Variants in TLR4 observed in about 807,000 individuals in gnomAD.
TLR4 encodes toll like receptor 4.
In TLR4, 17 loss-of-function variants were observed where a neutral mutation model predicts 27.4. That is an observed-to-expected ratio of 0.62 (90% CI 0.42 to 0.93). The LOEUF is 0.93. TLR4 is among the 40% of genes least tolerant of loss of function. TLR4 has a pLI of 0.00. For missense variants in TLR4, 926 were observed against 962.3 expected (o/e 0.96, Z 0.50); for synonymous variants, 363 against 365.7 (o/e 0.99, Z 0.08).
rs189454382 is a variant in TLR4 at position 117,719,393 on chromosome 9, C to G, written c.*4745C>G. 1 of 152,154 alleles carries G rather than the reference C, an allele frequency of 6.6e-6. No individual in the cohort carries two copies. Among genetic ancestry groups the G allele is most frequent in the South Asian group, 2.1e-4 (1 of 4,828 alleles). The allele number at this position is 152,154 out of a possible 1,614,324, so 9.4% of individuals were successfully genotyped here. ...AGATTAGGATCTAAGTCCACTTCAC[C>G]GCAGAAGCAGGGCTTCTAAATACTG... On this transcript the variant is annotated 3_prime_UTR_variant, in exon 3 of 3. Coordinates refer to ENST00000355622, the MANE Select transcript of TLR4 (RefSeq NM_138554.5).
Position 117,718,650 on chromosome 9 carries a change from T to C in TLR4, c.*4002T>C, listed in dbSNP as rs1829387637. 1 of 152,180 alleles carries C rather than the reference T, an allele frequency of 6.6e-6. No homozygotes were observed. 9.4% of individuals were successfully genotyped at this position (152,180 alleles called of 1,614,324 possible). Reference sequence around the variant, plus strand: ...GGGCTCCATTTCTCTGAGAGTCTACTTAGCTCCAATGTAAAATAAGAATAG... The same window carrying C: ...GGGCTCCATTTCTCTGAGAGTCTACCTAGCTCCAATGTAAAATAAGAATAG... On this transcript the variant is annotated 3_prime_UTR_variant, in exon 3 of 3. Coordinates refer to ENST00000355622, the MANE Select transcript of TLR4 (RefSeq NM_138554.5).
chr9:117,710,941 C>G (rs1014712086), intron 2 of TLR4, among the ~76,000 whole-genome samples: 2 of 152,134 alleles, frequency 1.3e-5, no homozygotes, highest in African/African-American at 4.8e-5. Context: ...TATAGAGACA[C>G]AGCAAGACCC....
chr9:117,713,114 A>C lies in TLR4; in HGVS notation c.986A>C (p.Asn329Thr), dbSNP rs5030715. The C allele has an allele frequency of 5.6e-6, 9 of 1,612,066 alleles. 1 individual carries two copies. The highest frequency in any genetic ancestry group is 5.9e-6 in the Non-Finnish European group (7 of 1,178,792). The change falls in exon 3 of 3, where the codon AAT (asparagine) becomes ACT (threonine). Residue 329 changes from asparagine to threonine, a missense_variant. Transcript: ENST00000355622. ...GAAAGGGTAAAAGACTTTTCTTATA[A>C]TTTCGGATGGCAACATTTAGAATTA... ...TIERVKDFSY[N>T]FGWQHLELVN...
At chr9:117,709,680 G>A (rs1480222554) in intron 2 of TLR4, among the ~76,000 whole-genome samples, 6 of 152,050 alleles carry the variant, frequency 3.9e-5, no homozygotes, top group Non-Finnish European at 8.8e-5. Flanking sequence ...AGAAATTATT[G>A]ATAAAGACTA....
intron 2 of TLR4, among the ~76,000 whole-genome samples, chr9:117,709,551 C>T (rs1009771985): frequency 6.6e-6 from 1 of 151,946 alleles, no homozygotes; most frequent in African/African-American, 2.4e-5. Flanking sequence ...TTAGGGGAAC[C>T]AAATTCTAAA....
chr9:117,710,294 A>G (rs1344268043), intron 2 of TLR4, among the ~76,000 whole-genome samples: 2 of 151,624 alleles, frequency 1.3e-5, no homozygotes, highest in Admixed American at 6.6e-5. Context: ...TTTGGATCCT[A>G]CTTATAAAGT....
rs1462969834 is a variant in TLR4, at chr9:117,713,401, G to A, written c.1273G>A (p.Glu425Lys). 1.2e-6 allele frequency: 2 copies of A among 1,613,920 alleles called. No homozygotes were observed. Among genetic ancestry groups the A allele is most frequent in the African/African-American group, 1.3e-5 (1 of 74,924 alleles). Residue 425 changes from glutamate to lysine, a missense_variant, in exon 3 of 3, where the codon GAA becomes AAA. By Grantham distance (56) the Glu-to-Lys change is moderately conservative. Transcript: ENST00000355622. ...AAACTTCTTGGGCTTAGAACAACTA[G>A]AACATCTGGATTTCCAGCATTCCAA... is the stretch of plus-strand genomic sequence containing the variant. ...SSNFLGLEQL[E>K]HLDFQHSNLK...
Position 117,714,596 on chromosome 9 carries a change from C to G in TLR4, c.2468C>G (p.Pro823Arg). The change falls in exon 3 of 3, where the codon CCA becomes CGA. Residue 823 changes from proline (P) to arginine (R), a missense_variant. Coordinates refer to ENST00000355622, the MANE Select transcript of TLR4 (RefSeq NM_138554.5). Reference protein sequence around the residue: ...KALLDGKSWNPEGTVGTGCNW... With the variant: ...KALLDGKSWNREGTVGTGCNW... ...CTGCTGGATGGTAAATCATGGAATC[C>G]AGAAGGAACAGTGGGTACAGGATGC... 6.2e-7 allele frequency: 1 copy of G among 1,613,606 alleles called. No homozygotes were observed. The highest frequency in any genetic ancestry group is 8.5e-7 in the Non-Finnish European group (1 of 1,179,976).
chr9:117,714,132 T>G lies in TLR4; in HGVS notation c.2004T>G (p.Gly668=). The G allele has an allele frequency of 6.2e-7, 1 of 1,614,082 alleles. No individual in the cohort carries two copies. The highest frequency in any genetic ancestry group is 8.5e-7 in the Non-Finnish European group (1 of 1,180,006). The change falls in exon 3 of 3, where the codon GGT becomes GGG. Residue 668 remains glycine, a synonymous_variant. Transcript: ENST00000355622. The part of the protein sequence containing the change: ...LMLLAGCIKY[G]RGENIYDAFV... ...TTCTTGCTGGCTGCATAAAGTATGG[T>G]AGAGGTGAAAACATCTATGATGCCT...
At position 117,714,105 on chromosome 9, in the gene TLR4, G is replaced by T. The variant is rs776599254; in HGVS notation, c.1977G>T (p.Met659Ile). 3 of 1,614,088 alleles carry T rather than the reference G, an allele frequency of 1.9e-6. No individual in the cohort carries two copies. The South Asian group carries it at 3.3e-5, about 18-fold the overall frequency. Residue 659 changes from methionine to isoleucine, a missense_variant, in exon 3 of 3, where the codon ATG becomes ATT. By Grantham distance (10) the Met-to-Ile change is conservative. Transcript: ENST00000355622. ...TCTATAAGTTCTATTTTCACCTGAT[G>T]CTTCTTGCTGGCTGCATAAAGTATG... ...VLVYKFYFHL[M>I]LLAGCIKYGR...
rs1192251644 is a variant in TLR4, at chr9:117,721,750, AATT to A, written c.*7104_*7106del. ...GTTTTCGTGCACAGACAGATTTGGG[AATT>A]ACTGTTATAATGGAAAATGGAGAAT... On this transcript the variant is annotated 3_prime_UTR_variant, in exon 3 of 3. Coordinates refer to ENST00000355622, the MANE Select transcript of TLR4 (RefSeq NM_138554.5). 3 of 152,192 alleles carry A rather than the reference AATT, an allele frequency of 2.0e-5. No homozygotes were observed. Among genetic ancestry groups the A allele is most frequent in the Non-Finnish European group, 4.4e-5 (3 of 68,032 alleles). The allele number at this position is 152,192 out of a possible 1,614,324, so 9.4% of individuals were successfully genotyped here. A position where few individuals can be genotyped will look rare whatever the true frequency, so the allele number is the denominator to read the frequency against.
At position 117,716,357 on chromosome 9, in the gene TLR4, A is replaced by G. The variant is rs1264588807; in HGVS notation, c.*1709A>G. Reference sequence around the variant, plus strand: ...AAATGGACAAAGAAAATGTGCATATACGTACAATGGGATATTATTCAGCCT... The same window carrying G: ...AAATGGACAAAGAAAATGTGCATATGCGTACAATGGGATATTATTCAGCCT... On this transcript the variant is annotated 3_prime_UTR_variant, in exon 3 of 3. Coordinates refer to ENST00000355622, the MANE Select transcript of TLR4 (RefSeq NM_138554.5). The G allele has an allele frequency of 2.0e-5, 3 of 152,228 alleles. No individual in the cohort carries two copies. The highest frequency in any genetic ancestry group is 4.8e-5 in the African/African-American group (2 of 41,468). The allele number at this position is 152,228 out of a possible 1,614,324, so 9.4% of individuals were successfully genotyped here.
In TLR4 at chr9:117,712,672, C is replaced by T. The variant is rs373109368; in HGVS notation, c.544C>T (p.Leu182Phe). The change falls in exon 3 of 3, where the codon CTT becomes TTT. Residue 182 changes from leucine to phenylalanine, a missense_variant. By Grantham distance (22) the Leu-to-Phe change is conservative (BLOSUM62 0). Transcript: ENST00000355622. ...SNLTNLEHLDLSSNKIQSIYC... is the reference protein window; with the variant it reads ...SNLTNLEHLDFSSNKIQSIYC... ...TCTGACCAATCTAGAGCACTTGGAC[C>T]TTTCCAGCAACAAGATTCAAAGTAT... 5 of 1,613,972 alleles carry T rather than the reference C, an allele frequency of 3.1e-6. No individual in the cohort carries two copies. The highest frequency in any genetic ancestry group is 1.6e-4 in the Middle Eastern group (1 of 6,084).
Position 117,719,058 on chromosome 9 carries a change from C to A in TLR4, c.*4410C>A, listed in dbSNP as rs897961363. ...TGAAAACCAAAGTCTAAGCCAGTGT[C>A]TCCATTTACTTGTGTGATTGTGGGC... On this transcript the variant is annotated 3_prime_UTR_variant, in exon 3 of 3. Coordinates refer to ENST00000355622, the MANE Select transcript of TLR4 (RefSeq NM_138554.5). 6.6e-6 allele frequency: 1 copy of A among 152,034 alleles called. No homozygotes were observed. Among genetic ancestry groups the A allele is most frequent in the Non-Finnish European group, 1.5e-5 (1 of 68,032 alleles). The allele number at this position is 152,034 out of a possible 1,614,324, so 9.4% of individuals were successfully genotyped here.
Position 117,723,475 on chromosome 9 carries a change from T to C in TLR4, c.*8827T>C, listed in dbSNP as rs1829444698. 1 of 152,190 alleles carries C rather than the reference T, an allele frequency of 6.6e-6. No homozygotes were observed. Among genetic ancestry groups the C allele is most frequent in the Non-Finnish European group, 1.5e-5 (1 of 68,028 alleles). 9.4% of individuals were successfully genotyped at this position (152,190 alleles called of 1,614,324 possible). Reference sequence around the variant, plus strand: ...GATCTCTTTGCTCTTTGGTCTCTGTTTATCTATGAGATAACGTTATTTTTA... The same window carrying C: ...GATCTCTTTGCTCTTTGGTCTCTGTCTATCTATGAGATAACGTTATTTTTA... On this transcript the variant is annotated 3_prime_UTR_variant, in exon 3 of 3. Transcript: ENST00000355622.
chr9:117,714,401 A>T lies in TLR4; in HGVS notation c.2273A>T (p.Gln758Leu). Residue 758 changes from glutamine to leucine, a missense_variant, in exon 3 of 3, where the codon CAG becomes CTG. Gln to Leu is a moderately radical substitution (Grantham distance 113). Coordinates refer to ENST00000355622, the MANE Select transcript of TLR4 (RefSeq NM_138554.5). ...GAATATGAGATTGCTCAGACCTGGC[A>T]GTTTCTGAGCAGTCGTGCTGGTATC... ...IFEYEIAQTWQFLSSRAGIIF... is the reference protein window; with the variant it reads ...IFEYEIAQTWLFLSSRAGIIF... The T allele has an allele frequency of 1.2e-6, 2 of 1,611,206 alleles. No homozygotes were observed.
At position 117,714,336 on chromosome 9, in the gene TLR4, G is replaced by A; in HGVS notation, c.2208G>A (p.Val736=). 6.3e-7 allele frequency: 1 copy of A among 1,599,284 alleles called. No homozygotes were observed. The change falls in exon 3 of 3, where the codon GTG becomes GTA. Residue 736 remains valine, a synonymous_variant. Transcript: ENST00000355622. Reference sequence around the variant, plus strand: ...ATAAAAGCCGAAAGGTGATTGTTGTGGTGTCCCAGCACTTCATCCAGAGCC... The same window carrying A: ...ATAAAAGCCGAAAGGTGATTGTTGTAGTGTCCCAGCACTTCATCCAGAGCC... The part of the protein sequence containing the change: ...GFHKSRKVIV[V]VSQHFIQSRW...
chr9:117,719,927 T>C lies in TLR4; in HGVS notation c.*5279T>C, dbSNP rs1328910803. The C allele has an allele frequency of 6.6e-6, 1 of 152,198 alleles. No individual in the cohort carries two copies. The allele number at this position is 152,198 out of a possible 1,614,324, so 9.4% of individuals were successfully genotyped here. A position where few individuals can be genotyped will look rare whatever the true frequency, so the allele number is the denominator to read the frequency against. On this transcript the variant is annotated 3_prime_UTR_variant, in exon 3 of 3. Coordinates refer to ENST00000355622, the MANE Select transcript of TLR4 (RefSeq NM_138554.5). Reference sequence around the variant, plus strand: ...TGCTACCTTGTGAGTTAAAGGCTACTCTTCTCATTTTAGAAATGAGAAAAG... The same window carrying C: ...TGCTACCTTGTGAGTTAAAGGCTACCCTTCTCATTTTAGAAATGAGAAAAG...
At chr9:117,710,789 A>G (rs1042478738) in intron 2 of TLR4, among the ~76,000 whole-genome samples, 1 of 152,166 alleles carries the variant, frequency 6.6e-6, no homozygotes, top group Non-Finnish European at 1.5e-5. Context: ...TGAAGCTTGA[A>G]TAATTTAAAT....
Sources: allele counts gnomAD v4.1 joint callset (sites outside exome capture counted in the v4.1 genomes callset), GRCh38; gene constraint gnomAD v4.1.1; transcripts MANE v1.5; gene names NCBI Gene and HGNC (gene_info 2026-07-23, HGNC 2026-07-21).